The following DLG2 variants were observed in gnomAD, a reference collection of about 807,000 sequenced individuals.
The protein encoded by DLG2 is disks large homolog 2.
In DLG2, 45 loss-of-function variants were observed where a neutral mutation model predicts 132.5. That is an observed-to-expected ratio of 0.34 (90% CI 0.27 to 0.44). The LOEUF is 0.44. Among genes scored for constraint, DLG2 ranks in the 20% least tolerant of loss-of-function variants. DLG2 has a pLI of 1.00. For synonymous variants in DLG2, 424 were observed against 419.6 expected, an observed-to-expected ratio of 1.01 and a Z score of -0.13; for missense variants, 1,045 against 1,196.9, an observed-to-expected ratio of 0.87 and a Z score of 1.87.
intron 7 of DLG2, chr11:84,317,335 T>C (rs2098371198): frequency 1.3e-5 from 19 of 1,413,372 alleles, no homozygotes; most frequent in Admixed American, 3.0e-5. Context: ...CACAGCATTA[T>C]CTGCGGGCTG....
intron 10 of DLG2, among the ~76,000 whole-genome samples, chr11:84,085,969 A>G (rs1453466448): frequency 4.6e-5 from 7 of 152,200 alleles, no homozygotes; most frequent in Non-Finnish European, 1.5e-5. Flanking sequence ...TGAAAACAGA[A>G]ATGCTATTTA....
intron 7 of DLG2, among the ~76,000 whole-genome samples, chr11:84,405,722 A>G (rs528627490): frequency 3.3e-5 from 5 of 152,228 alleles, no homozygotes; most frequent in South Asian, 2.1e-4. Flanking sequence ...ACTAAGGGGG[A>G]AAAAAAGCTA....
intron 6 of DLG2, among the ~76,000 whole-genome samples, chr11:84,827,461 G>C (rs1230305373): frequency 1.3e-5 from 2 of 151,624 alleles, no homozygotes; most frequent in Non-Finnish European, 1.5e-5. Flanking sequence ...AAGCACAGAA[G>C]CAATTTAGAT....
chr11:84,177,405 T>C (rs1331294792), intron 8 of DLG2, among the ~76,000 whole-genome samples: 1 of 152,194 alleles, frequency 6.6e-6, no homozygotes, highest in Non-Finnish European at 1.5e-5. Flanking sequence ...ACTACTTCTG[T>C]AGATTCTTTT....
chr11:85,491,838 A>G (rs1435774026), intron 3 of DLG2, among the ~76,000 whole-genome samples: 1 of 152,122 alleles, frequency 6.6e-6, no homozygotes, highest in East Asian at 1.9e-4. Context: ...CTATCTATAG[A>G]GACAATGCAA....
chr11:83,733,089 A>G (rs2153703125), intron 18 of DLG2, among the ~76,000 whole-genome samples: 1 of 152,090 alleles, frequency 6.6e-6, no homozygotes. Context: ...TAAAAATACA[A>G]AAATTACTGG....
chr11:85,123,913 C>T (rs1306946637), intron 5 of DLG2, among the ~76,000 whole-genome samples: 1 of 152,148 alleles, frequency 6.6e-6, no homozygotes, highest in East Asian at 1.9e-4. Context: ...TTTCTCTCAC[C>T]AGTAAGAGGC....
chr11:83,769,833 G>A (rs2094309790), intron 18 of DLG2, among the ~76,000 whole-genome samples: 1 of 152,154 alleles, frequency 6.6e-6, no homozygotes, highest in Non-Finnish European at 1.5e-5. Context: ...CCAAAGTGCT[G>A]GGATTACAGG....
At chr11:84,354,477 C>G (rs749845346) in intron 7 of DLG2, among the ~76,000 whole-genome samples, 3 of 152,050 alleles carry the variant, frequency 2.0e-5, no homozygotes, top group Non-Finnish European at 4.4e-5. Context: ...TTTCTCAAAA[C>G]ATTTTCCTCC....
rs74409695 is a variant in DLG2, at chr11:83,624,938, T to C, written c.1940+8273A>G. Among the ~76,000 whole-genome samples the C allele has an allele frequency of 3.2e-3, 494 of 152,292 alleles. 5 individuals carry two copies. Among genetic ancestry groups the C allele is most frequent in the African/African-American group, 0.011 (477 of 41,572 alleles). On this transcript the variant is annotated intron_variant, in intron 19 of 27. Coordinates refer to ENST00000376104, the MANE Select transcript of DLG2 (RefSeq NM_001142699.3). ...AAACTGTTTCAGGTACCTGATCATG[T>C]TCCCCTCCCAGTTACCTTTGCCCCC...
chr11:84,565,695 C>A (rs2099451051), intron 6 of DLG2, among the ~76,000 whole-genome samples: 2 of 152,030 alleles, frequency 1.3e-5, no homozygotes, highest in African/African-American at 4.8e-5. Context: ...GGTCTGATAA[C>A]AAAATTGGTG....
intron 6 of DLG2, among the ~76,000 whole-genome samples, chr11:84,788,392 T>C (rs1187865026): frequency 2.6e-5 from 4 of 152,082 alleles, no homozygotes; most frequent in African/African-American, 2.4e-5. Context: ...AAAGTAGGTA[T>C]GCGCTACTTT....
chr11:84,513,410 G>T (rs570723990), intron 7 of DLG2, among the ~76,000 whole-genome samples: 52 of 151,990 alleles, frequency 3.4e-4, no homozygotes, highest in Non-Finnish European at 6.8e-4. Flanking sequence ...AATAACTGGA[G>T]GAATCACATT....
intron 11 of DLG2, among the ~76,000 whole-genome samples, chr11:84,014,459 T>A (rs929382797): frequency 6.6e-6 from 1 of 152,188 alleles, no homozygotes; most frequent in South Asian, 2.1e-4. Flanking sequence ...TATACATTAA[T>A]GTTTTAAATG....
At chr11:84,883,877 T>A (rs1276512784) in intron 6 of DLG2, among the ~76,000 whole-genome samples, 1 of 152,122 alleles carries the variant, frequency 6.6e-6, no homozygotes, top group Non-Finnish European at 1.5e-5. Flanking sequence ...ATTCACTCTG[T>A]GGAATCTGTA....
chr11:84,377,774 T>C (rs576126308), intron 7 of DLG2, among the ~76,000 whole-genome samples: 34 of 152,302 alleles, frequency 2.2e-4, no homozygotes, highest in African/African-American at 7.5e-4. Context: ...TATATTTTAA[T>C]GTTTAACTAA....
intron 3 of DLG2, among the ~76,000 whole-genome samples, chr11:85,391,179 A>G (rs900592386): frequency 1.3e-5 from 2 of 152,094 alleles, no homozygotes; most frequent in African/African-American, 4.8e-5. Flanking sequence ...ATAAACTAGA[A>G]AACCTAGAGG....
chr11:83,485,674 G>A (rs2093453670), intron 21 of DLG2, among the ~76,000 whole-genome samples: 1 of 152,182 alleles, frequency 6.6e-6, no homozygotes, highest in Non-Finnish European at 1.5e-5. Context: ...CTGTTTGGAT[G>A]TGCGCTTTTG....
intron 3 of DLG2, chr11:85,453,465 G>T: frequency 6.3e-6 from 1 of 157,492 alleles, no homozygotes. Context: ...GCAAAATTTC[G>T]GTGGATATAT....
Sources: gnomAD v4.1 joint callset for allele counts (sites outside exome capture counted in the v4.1 genomes callset) on GRCh38, gnomAD v4.1.1 for gene constraint, MANE v1.5 for transcripts, NCBI Gene and HGNC (gene_info 2026-07-23, HGNC 2026-07-21) for gene names.